HAS1: variants seen among roughly 807,000 people sequenced by gnomAD.
HAS1 encodes the protein HA synthase 1.
HAS1 carries 27 observed loss-of-function variants against 35.0 expected under a neutral mutation model. That is an observed-to-expected ratio of 0.77 (90% confidence interval 0.57 to 1.06). The LOEUF is 1.06. Among genes scored for constraint, HAS1 ranks in the 50% least tolerant of loss-of-function variants. HAS1 has a pLI of 0.00. For missense variants in HAS1, 940 were observed against 814.8 expected, an observed-to-expected ratio of 1.15 and a Z score of -1.87; for synonymous variants, 409 against 371.2, an observed-to-expected ratio of 1.10 and a Z score of -1.17.
rs2083559912 is a variant in HAS1, at chr19:51,713,753, C to T, written c.1408G>A (p.Gly470Ser). The T allele has an allele frequency of 1.2e-6, 2 of 1,606,746 alleles. No individual in the cohort carries two copies. The highest frequency in any genetic ancestry group is 1.1e-5 in the South Asian group (1 of 90,206). The change falls in exon 5 of 5, where the codon GGC becomes AGC. Residue 470 changes from glycine to serine, a missense_variant. Transcript: ENST00000540069. This position sits in a 1 kb window ranked among gnomAD's most constrained non-coding sequence, Gnocchi z 4.5. ...LSLYAPLYMC[G>S]LLPAKFLALV... ...GCCAGGAACTTGGCAGGCAGGAGGC[C>T]ACACATGTAGAGGGGCGCGTAGAGC... is the stretch of plus-strand genomic sequence containing the variant.
In HAS1 at chr19:51,719,907, G is replaced by A. The variant is rs1365304121; in HGVS notation, c.10-12C>T. On this transcript the variant is annotated splice_polypyrimidine_tract_variant and intron_variant, in intron 1 of 4. Transcript: ENST00000540069. ...GGCTTGGGCGCGTCCTGCTGGGAGC[G>A]AGAGGGGAAAGGAAGGGGCATGAGT... 2.0e-6 allele frequency: 3 copies of A among 1,520,540 alleles called. No homozygotes were observed. The highest frequency in any genetic ancestry group is 2.6e-6 in the Non-Finnish European group (3 of 1,136,626). 94.2% of individuals were successfully genotyped at this position (1,520,540 alleles called of 1,614,324 possible). A position where few individuals can be genotyped will look rare whatever the true frequency, so the allele number is the denominator to read the frequency against.
intron 4 of HAS1, among the ~76,000 whole-genome samples, chr19:51,715,270 TAGTC>T (rs998364997): frequency 9.9e-5 from 15 of 152,252 alleles, no homozygotes; most frequent in Admixed American, 7.8e-4. Context: ...TCCCTCATCT[TAGTC>T]AGAGTCCTTA....
intron 4 of HAS1, among the ~76,000 whole-genome samples, chr19:51,714,616 A>G (rs2083573646): frequency 6.9e-6 from 1 of 144,502 alleles, no homozygotes; most frequent in Admixed American, 7.2e-5. Flanking sequence ...ACTTGAGCTC[A>G]GGAGTTTGAG....
At chr19:51,716,523 T>C in intron 3 of HAS1, 135 bp from the exon 4 acceptor site, 1 of 718,188 alleles carries the variant, frequency 1.4e-6, no homozygotes, top group Admixed American at 2.9e-5. Flanking sequence ...CTCAGCACTA[T>C]CTCCAATCCC....
chr19:51,714,169 C>T (rs762048462), intron 4 of HAS1, 67 bp from the exon 5 acceptor site: 3 of 1,555,660 alleles, frequency 1.9e-6, no homozygotes, highest in African/African-American at 2.7e-5. Context: ...ATTCTGGAGG[C>T]AGAAATGACC....
Position 51,713,642 on chromosome 19 carries a change from G to A in HAS1, c.1519C>T (p.Leu507Phe), listed in dbSNP as rs756061218. 3.8e-5 allele frequency: 59 copies of A among 1,567,984 alleles called. No individual in the cohort carries two copies. The Middle Eastern group carries it at 6.7e-4, about 18-fold the overall frequency. Reference protein sequence around the residue: ...ANYVPLLPLALWALLLLGGLV... With the variant: ...ANYVPLLPLAFWALLLLGGLV... ...CCCCCAAGCAGCAGCAGCGCCCAGA[G>A]CGCCAGGGGCAGCAGAGGGACGTAG... The change falls in exon 5 of 5, where the codon CTC becomes TTC. Residue 507 changes from leucine to phenylalanine, a missense_variant. By Grantham distance (22) the Leu-to-Phe change is conservative (BLOSUM62 0). Coordinates refer to ENST00000540069, the MANE Select transcript of HAS1 (RefSeq NM_001297436.2). The surrounding 1 kb of genome is among the most constrained non-coding windows in gnomAD (Gnocchi z 4.5).
Position 51,713,741 on chromosome 19 carries a change from C to A in HAS1, c.1420G>T (p.Ala474Ser). ...ATGGTGACTAGCGCCAGGAACTTGG[C>A]AGGCAGGAGGCCACACATGTAGAGG... ...APLYMCGLLP[A>S]KFLALVTMNQ... The change falls in exon 5 of 5, where the codon GCC becomes TCC. Residue 474 changes from alanine to serine, a missense_variant. Coordinates refer to ENST00000540069, the MANE Select transcript of HAS1 (RefSeq NM_001297436.2). This position sits in a 1 kb window ranked among gnomAD's most constrained non-coding sequence, Gnocchi z 4.5. 6.2e-7 allele frequency: 1 copy of A among 1,607,028 alleles called. No homozygotes were observed. The highest frequency in any genetic ancestry group is 8.5e-7 in the Non-Finnish European group (1 of 1,176,998).
intron 1 of HAS1, among the ~76,000 whole-genome samples, chr19:51,721,622 C>T (rs1226500104): frequency 6.6e-6 from 1 of 152,058 alleles, no homozygotes; most frequent in East Asian, 1.9e-4. Context: ...AAAAATTAGC[C>T]AGGCTTGGTG....
Position 51,713,361 on chromosome 19 carries a change from C to A in HAS1, c.*66G>T, listed in dbSNP as rs2083553072. 24 of 1,395,818 alleles carry A rather than the reference C, an allele frequency of 1.7e-5. No homozygotes were observed. Among genetic ancestry groups the A allele is most frequent in the Non-Finnish European group, 2.2e-5 (24 of 1,067,870 alleles). 86.5% of individuals were successfully genotyped at this position (1,395,818 alleles called of 1,614,324 possible). ...AGAACCACCCAGCAAGTTCGTGGCT[C>A]GGGGCCCAGCAGCTCTCCTCTGGCC... On this transcript the variant is annotated 3_prime_UTR_variant, in exon 5 of 5. Transcript: ENST00000540069. This position sits in a 1 kb window ranked among gnomAD's most constrained non-coding sequence, Gnocchi z 4.5.
rs751162741 is a variant in HAS1 at position 51,717,067 on chromosome 19, C to A, written c.826G>T (p.Val276Phe). 1 of 1,614,128 alleles carries A rather than the reference C, an allele frequency of 6.2e-7. No homozygotes were observed. Among genetic ancestry groups the A allele is most frequent in the Admixed American group, 1.7e-5 (1 of 60,016 alleles). ...VRILNPLDSW[V>F]SFLSSLRYWV... ...TATCGCAGGCTGCTTAGGAAGCTGA[C>A]CCAGGAGTCCAGAGGGTTAAGGATC... The change falls in exon 3 of 5, where the codon GTC becomes TTC. Residue 276 changes from valine to phenylalanine, a missense_variant. Physicochemically the swap from Val to Phe is conservative, Grantham distance 50. Transcript: ENST00000540069.
intron 2 of HAS1, among the ~76,000 whole-genome samples, chr19:51,718,241 A>G (rs182794746): frequency 6.6e-6 from 1 of 152,202 alleles, no homozygotes; most frequent in East Asian, 1.9e-4. Context: ...CATCTCAAAA[A>G]AAAAAAAAGA....
At position 51,713,727 on chromosome 19, in the gene HAS1, C is replaced by T; in HGVS notation, c.1434G>A (p.Ala478=). 6.2e-7 allele frequency: 1 copy of T among 1,606,990 alleles called. No individual in the cohort carries two copies. The highest frequency in any genetic ancestry group is 8.5e-7 in the Non-Finnish European group (1 of 1,177,096). Residue 478 remains alanine (A), a synonymous_variant, in exon 5 of 5, where the codon GCG becomes GCA. Transcript: ENST00000540069. This position sits in a 1 kb window ranked among gnomAD's most constrained non-coding sequence, Gnocchi z 4.5. The part of the protein sequence containing the change: ...MCGLLPAKFL[A]LVTMNQSGWG... ...AGCCACTCTGGTTCATGGTGACTAG[C>T]GCCAGGAACTTGGCAGGCAGGAGGC...
At chr19:51,720,578 T>C (rs1383315995) in intron 1 of HAS1, among the ~76,000 whole-genome samples, 1 of 152,086 alleles carries the variant, frequency 6.6e-6, no homozygotes, top group African/African-American at 2.4e-5. Context: ...CTGCAGCTTC[T>C]AACTCCTAGG....
chr19:51,716,501 C>T lies in HAS1; in HGVS notation c.926-113G>A, dbSNP rs540788600. The T allele has an allele frequency of 1.2e-5, 10 of 868,142 alleles. No homozygotes were observed. The South Asian group carries it at 1.6e-4, about 14-fold the overall frequency. 53.8% of individuals were successfully genotyped at this position (868,142 alleles called of 1,614,324 possible). A position where few individuals can be genotyped will look rare whatever the true frequency, so the allele number is the denominator to read the frequency against. On this transcript the variant is annotated intron_variant, in intron 3 of 4. Transcript: ENST00000540069. ...CAGTTCCAACCCCATCCTCAGTCAT[C>T]ATAATCTCAATCTCAGCACTATCTC...
At position 51,716,241 on chromosome 19, in the gene HAS1, G is replaced by C; in HGVS notation, c.1058+15C>G. On this transcript the variant is annotated intron_variant, in intron 4 of 4. Transcript: ENST00000540069. ...GCCTCCACACATACCCGACCACCTG[G>C]TCCCCTCAGCTTACTTGGTAGCATA... is the stretch of plus-strand genomic sequence containing the variant. 6.2e-7 allele frequency: 1 copy of C among 1,608,956 alleles called. No homozygotes were observed. The highest frequency in any genetic ancestry group is 8.5e-7 in the Non-Finnish European group (1 of 1,177,296).
chr19:51,719,550 C>T lies in HAS1; in HGVS notation c.355G>A (p.Ala119Thr). 1.9e-6 allele frequency: 3 copies of T among 1,546,384 alleles called. No individual in the cohort carries two copies. Among genetic ancestry groups the T allele is most frequent in the Non-Finnish European group, 2.6e-6 (3 of 1,145,122 alleles). Residue 119 changes from alanine to threonine, a missense_variant, in exon 2 of 5, where the codon GCC becomes ACC. Physicochemically the swap from Ala to Thr is moderately conservative, Grantham distance 58. Transcript: ENST00000540069. ...YLRQCLASAR[A>T]LLYPRARLRV... ...AGCCGCGCGCGCGGGTACAGCAGGGCGCGGGCGGACGCCAGGCACTGGCGC... is the reference window on the plus strand; with the variant it reads ...AGCCGCGCGCGCGGGTACAGCAGGGTGCGGGCGGACGCCAGGCACTGGCGC...
intron 2 of HAS1, among the ~76,000 whole-genome samples, chr19:51,718,651 C>T (rs1049047031): frequency 4.6e-5 from 7 of 152,192 alleles, no homozygotes; most frequent in African/African-American, 1.7e-4. Flanking sequence ...ATTCTCCTCC[C>T]TCAGCCTCCC....
In HAS1 at chr19:51,713,785, A is replaced by G; in HGVS notation, c.1376T>C (p.Leu459Pro). The G allele has an allele frequency of 1.9e-6, 3 of 1,605,804 alleles. No homozygotes were observed. Among genetic ancestry groups the G allele is most frequent in the Non-Finnish European group, 2.5e-6 (3 of 1,176,632 alleles). The change falls in exon 5 of 5, where the codon CTT becomes CCT. Residue 459 changes from leucine to proline, a missense_variant. Physicochemically the swap from Leu to Pro is moderately conservative, Grantham distance 98 (BLOSUM62 -3). Transcript: ENST00000540069. This position sits in a 1 kb window ranked among gnomAD's most constrained non-coding sequence, Gnocchi z 4.5. ...AWLRGCLRMV[L>P]LSLYAPLYMC... ...GTAGAGGGGCGCGTAGAGCGACAGA[A>G]GCACCATGCGCAGGCAGCCCCGCAG...
At chr19:51,714,414 T>C (rs1433702478) in intron 4 of HAS1, among the ~76,000 whole-genome samples, 5 of 117,190 alleles carry the variant, frequency 4.3e-5, no homozygotes, top group Non-Finnish European at 1.0e-4. Context: ...ATGGGTGGGA[T>C]GCAATGGCTC....
Sources: gnomAD v4.1 joint callset for allele counts (sites outside exome capture counted in the v4.1 genomes callset) on GRCh38, gnomAD v4.1.1 for gene constraint, Gnocchi (gnomAD v3.1) non-coding constraint, MANE v1.5 for transcripts, NCBI Gene and HGNC (gene_info 2026-07-23, HGNC 2026-07-21) for gene names.